Variants in MEI4 observed in about 807,000 individuals in gnomAD.
MEI4 encodes the protein meiosis-specific protein MEI4.
A neutral mutation model predicts 31.4 loss-of-function variants in MEI4; 27 were observed. The observed-to-expected ratio is 0.86, with a 90% CI of 0.63 to 1.19. The LOEUF (loss-of-function observed/expected upper bound fraction) is 1.19, where lower values mean the gene tolerates loss of function less well. MEI4 is among the 50% of genes most tolerant of loss of function. MEI4 has a pLI of 0.00. For synonymous variants in MEI4, 122 were observed against 145.4 expected (o/e 0.84, Z 1.16); for missense variants, 329 against 398.9 (o/e 0.82, Z 1.49).
At chr6:77,731,719 A>G (rs1467535026) in intron 2 of MEI4, among the ~76,000 whole-genome samples, 1 of 151,344 alleles carries the variant, frequency 6.6e-6, no homozygotes, top group Non-Finnish European at 1.5e-5. Context: ...TATGTCCTGA[A>G]TAGTAATGCT....
At chr6:77,848,879 A>G (rs548752498) in intron 4 of MEI4, among the ~76,000 whole-genome samples, 1 of 152,106 alleles carries the variant, frequency 6.6e-6, no homozygotes, top group Non-Finnish European at 1.5e-5. Flanking sequence ...CAATATTGTG[A>G]TATTTATTGA....
chr6:77,660,106 G>A (rs970865028), intron 1 of MEI4, among the ~76,000 whole-genome samples: 1 of 152,176 alleles, frequency 6.6e-6, no homozygotes, highest in Non-Finnish European at 1.5e-5. Context: ...AGGGAGATGG[G>A]AGATGTTGCC....
At position 77,810,702 on chromosome 6, in the gene MEI4, T is replaced by G. The variant is rs570110349; in HGVS notation, c.769-18229T>G. ...TAAAGGAAAAATACATGTTATAGAC[T>G]CCTTGAATTTATAATAATCAAAGGT... On this transcript the variant is annotated intron_variant, in intron 3 of 4. Transcript: ENST00000684080. Among the ~76,000 whole-genome samples, 29 of 152,276 alleles carry G rather than the reference T, an allele frequency of 1.9e-4. No homozygotes were observed. In the South Asian group the frequency reaches 6.0e-3, roughly 32 times the overall value.
intron 2 of MEI4, among the ~76,000 whole-genome samples, chr6:77,723,472 TAG>T (rs1469213264): frequency 3.2e-5 from 3 of 93,098 alleles, no homozygotes; most frequent in Non-Finnish European, 4.5e-5. Context: ...TTATCAAATT[TAG>T]AACGACATTG....
intron 3 of MEI4, among the ~76,000 whole-genome samples, chr6:77,808,047 A>G (rs1769483412): frequency 6.6e-6 from 1 of 152,186 alleles, no homozygotes; most frequent in Non-Finnish European, 1.5e-5. Flanking sequence ...CACCTTATAC[A>G]TAGAGTAAAC....
At chr6:77,899,602 A>G (rs1202187562) in intron 4 of MEI4, among the ~76,000 whole-genome samples, 1 of 152,086 alleles carries the variant, frequency 6.6e-6, no homozygotes, top group African/African-American at 2.4e-5. Context: ...TGAGCACGTT[A>G]CACCTACATT....
chr6:77,915,666 T>A (rs1766528727), intron 4 of MEI4, among the ~76,000 whole-genome samples: 1 of 152,090 alleles, frequency 6.6e-6, no homozygotes, highest in Non-Finnish European at 1.5e-5. Flanking sequence ...ATCTTCTTTC[T>A]AATTGGTCCC....
At chr6:77,837,566 C>A (rs1389491640) in intron 4 of MEI4, among the ~76,000 whole-genome samples, 2 of 152,188 alleles carry the variant, frequency 1.3e-5, no homozygotes, top group African/African-American at 4.8e-5. Context: ...TGAGCCAAAT[C>A]TGGCTTGCCA....
intron 4 of MEI4, among the ~76,000 whole-genome samples, chr6:77,876,478 G>A (rs1771341867): frequency 6.6e-6 from 1 of 152,036 alleles, no homozygotes; most frequent in Non-Finnish European, 1.5e-5. Context: ...CCGTGCTCCT[G>A]GACTTCCCAG....
intron 3 of MEI4, among the ~76,000 whole-genome samples, chr6:77,765,513 C>A (rs1445030329): frequency 6.6e-6 from 1 of 150,804 alleles, no homozygotes; most frequent in Non-Finnish European, 1.5e-5. Flanking sequence ...TGTGCTGCAC[C>A]CATTAACTGG....
intron 2 of MEI4, among the ~76,000 whole-genome samples, chr6:77,740,807 T>A (rs958967074): frequency 2.6e-5 from 4 of 151,752 alleles, no homozygotes; most frequent in African/African-American, 9.7e-5. Flanking sequence ...TGAACATATA[T>A]ATTTTGAAAA....
intron 2 of MEI4, among the ~76,000 whole-genome samples, chr6:77,713,459 T>A (rs375112531): frequency 1.3e-5 from 2 of 152,220 alleles, no homozygotes; most frequent in African/African-American, 4.8e-5. Flanking sequence ...AAGTAGATTA[T>A]GTTGTGGAAA....
chr6:77,842,741 G>A (rs558990218), intron 4 of MEI4, among the ~76,000 whole-genome samples: 8 of 152,168 alleles, frequency 5.3e-5, no homozygotes, highest in African/African-American at 1.9e-4. Context: ...TGCCTGTAAA[G>A]GGAAGTGGAC....
chr6:77,921,496 T>G (rs1766702311), intron 4 of MEI4, among the ~76,000 whole-genome samples: 1 of 151,858 alleles, frequency 6.6e-6, no homozygotes, highest in African/African-American at 2.4e-5. Context: ...ATTTGTGTGT[T>G]CAGTGGAAGA....
chr6:77,782,027 A>AT (rs1025499977), intron 3 of MEI4, among the ~76,000 whole-genome samples: 4 of 152,098 alleles, frequency 2.6e-5, no homozygotes, highest in Non-Finnish European at 4.4e-5. Context: ...TCATGGTGAC[A>AT]TTTTTGTCTG....
At chr6:77,770,746 AG>A (rs1486780564) in intron 3 of MEI4, among the ~76,000 whole-genome samples, 1 of 152,134 alleles carries the variant, frequency 6.6e-6, no homozygotes, top group African/African-American at 2.4e-5. Context: ...ACAAGCAATG[AG>A]GAGAGGACTC....
intron 4 of MEI4, among the ~76,000 whole-genome samples, chr6:77,891,407 G>T (rs1442396044): frequency 6.6e-6 from 1 of 152,018 alleles, no homozygotes; most frequent in Non-Finnish European, 1.5e-5. Context: ...TATTGTTGAA[G>T]ATGTCTTTTG....
rs1322455707 is a variant in MEI4 at position 77,847,776 on chromosome 6, T to C, written c.900+18714T>C. ...GAGGTTAGTGAAAATTTCTTATTTA[T>C]TTTTCTATTTATATTACTCACCTAT... On this transcript the variant is annotated intron_variant, in intron 4 of 4. Coordinates refer to ENST00000684080, the MANE Select transcript of MEI4 (RefSeq NM_001322247.2). The surrounding 1 kb of genome is among the most constrained non-coding windows in gnomAD (Gnocchi z 4.6). Among the ~76,000 whole-genome samples, 1 of 149,616 alleles carries C rather than the reference T, an allele frequency of 6.7e-6. No individual in the cohort carries two copies. The highest frequency in any genetic ancestry group is 1.9e-4 in the East Asian group (1 of 5,188).
At chr6:77,836,103 C>A (rs1376013907) in intron 4 of MEI4, among the ~76,000 whole-genome samples, 2 of 151,906 alleles carry the variant, frequency 1.3e-5, no homozygotes, top group Admixed American at 6.6e-5. Context: ...CCTCAAGATG[C>A]ATGTTTTTTG....
Sources: allele counts gnomAD v4.1 joint callset (sites outside exome capture counted in the v4.1 genomes callset), GRCh38; gene constraint gnomAD v4.1.1; non-coding constraint Gnocchi (gnomAD v3.1); transcripts MANE v1.5; gene names NCBI Gene and HGNC (gene_info 2026-07-23, HGNC 2026-07-21).